Variants in SUCLA2 observed in about 807,000 individuals in gnomAD.
SUCLA2 encodes succinate--CoA ligase [ADP-forming] subunit beta, mitochondrial.
Under a neutral mutation model 54.8 loss-of-function variants are expected in SUCLA2, and 30 were observed. The ratio of observed to expected loss-of-function variants is 0.55; its 90% CI spans 0.41 to 0.74. The LOEUF (loss-of-function observed/expected upper bound fraction) is 0.74. Ranked by LOEUF, SUCLA2 falls within the 30% of genes least tolerant of loss-of-function variation. SUCLA2 has a pLI of 0.00. For missense variants in SUCLA2, 476 were observed against 562.9 expected, an observed-to-expected ratio of 0.85 and a Z score of 1.56; for synonymous variants, 172 against 188.9, an observed-to-expected ratio of 0.91 and a Z score of 0.74.
chr13:47,965,793 A>C (rs1261372918), intron 6 of SUCLA2, among the ~76,000 whole-genome samples: 1 of 152,246 alleles, frequency 6.6e-6, no homozygotes, highest in Non-Finnish European at 1.5e-5. Flanking sequence ...TTGCGCCTGT[A>C]ATCCCAGGAC....
intron 4 of SUCLA2, among the ~76,000 whole-genome samples, chr13:47,978,580 A>G (rs558098017): frequency 2.6e-5 from 4 of 152,350 alleles, no homozygotes; most frequent in South Asian, 4.1e-4. Context: ...AAACCTAGGC[A>G]ATACCATTCA....
intron 6 of SUCLA2, among the ~76,000 whole-genome samples, chr13:47,966,601 A>C (rs1327302992): frequency 2.6e-5 from 4 of 151,792 alleles, no homozygotes; most frequent in Non-Finnish European, 5.9e-5. Flanking sequence ...CCCCTTTGAT[A>C]ATGAGTATTC....
chr13:47,963,885 C>T (rs1302471431), intron 6 of SUCLA2, among the ~76,000 whole-genome samples: 2 of 152,062 alleles, frequency 1.3e-5, no homozygotes, highest in Non-Finnish European at 1.5e-5. Flanking sequence ...GGTGGATTGC[C>T]GAACTGTGAC....
At chr13:47,976,886 G>A (rs561983870) in intron 4 of SUCLA2, among the ~76,000 whole-genome samples, 6 of 151,898 alleles carry the variant, frequency 4.0e-5, no homozygotes, top group Admixed American at 6.6e-5. Context: ...TCAGATTTGG[G>A]ATGCTCAACC....
intron 2 of SUCLA2, among the ~76,000 whole-genome samples, chr13:47,994,238 C>A (rs1950173682): frequency 6.6e-6 from 1 of 151,688 alleles, no homozygotes; most frequent in African/African-American, 2.4e-5. Context: ...CAACTAGATC[C>A]CATAATCGTT....
At chr13:47,987,187 T>C (rs1192925256) in intron 4 of SUCLA2, among the ~76,000 whole-genome samples, 1 of 152,198 alleles carries the variant, frequency 6.6e-6, no homozygotes, top group African/African-American at 2.4e-5. Flanking sequence ...TCAAATTTGA[T>C]CCTTTTCCCA....
At chr13:47,984,483 T>TC in intron 4 of SUCLA2, among the ~76,000 whole-genome samples, 1 of 152,182 alleles carries the variant, frequency 6.6e-6, no homozygotes, top group East Asian at 1.9e-4. Flanking sequence ...ATTACAGGTG[T>TC]CAGCCACCAC....
intron 10 of SUCLA2, 28 bp downstream of exon 10, chr13:47,948,912 C>T (rs757612780): frequency 6.2e-7 from 1 of 1,600,620 alleles, no homozygotes; most frequent in East Asian, 2.2e-5. Context: ...GTTTATAAAT[C>T]CTCCTTAGAT....
intron 4 of SUCLA2, among the ~76,000 whole-genome samples, chr13:47,977,327 G>A (rs1046939827): frequency 2.0e-5 from 3 of 152,060 alleles, no homozygotes; most frequent in African/African-American, 7.2e-5. Context: ...GGGACCAAAT[G>A]GCTTCACTGG....
chr13:47,949,641 G>T (rs768905890), intron 8 of SUCLA2, 38 bp from the exon 9 acceptor site: 1 of 1,606,260 alleles, frequency 6.2e-7, no homozygotes, highest in Non-Finnish European at 8.5e-7. Context: ...AAATTTAAAA[G>T]AAATTTAAGT....
chr13:47,965,508 C>CAAAAA (rs1949910767), intron 6 of SUCLA2: 1 of 281,820 alleles, frequency 3.5e-6, no homozygotes, highest in Non-Finnish European at 6.2e-6. Context: ...AAAAAAAAAA[C>CAAAAA]AAACAAACAA....
At chr13:48,001,022 G>A in intron 1 of SUCLA2, 158 bp downstream of exon 1, 1 of 1,477,358 alleles carries the variant, frequency 6.8e-7, no homozygotes, top group South Asian at 1.3e-5. Context: ...TCGTAGTCCT[G>A]GCGAGCAGCA....
chr13:47,960,811 G>C (rs933243755), intron 6 of SUCLA2, among the ~76,000 whole-genome samples: 1 of 152,138 alleles, frequency 6.6e-6, no homozygotes, highest in Non-Finnish European at 1.5e-5. Flanking sequence ...TGTCGCACTG[G>C]TTTGAAGATG....
At chr13:47,949,937 A>G (rs886476307) in intron 8 of SUCLA2, among the ~76,000 whole-genome samples, 2 of 152,180 alleles carry the variant, frequency 1.3e-5, no homozygotes, top group Non-Finnish European at 2.9e-5. Context: ...ATACTGTAAG[A>G]TAGTCTCATG....
Position 47,968,734 on chromosome 13 carries a change from C to T in SUCLA2, c.664-1G>A, listed in dbSNP as rs1949938484. On this transcript the variant is annotated splice_acceptor_variant, in intron 5 of 10. Coordinates refer to ENST00000646932, the MANE Select transcript of SUCLA2 (RefSeq NM_003850.3). LOFTEE classifies it high-confidence loss of function. Reference sequence around the variant, plus strand: ...GTGGAAATCCCATCTTCTGTGCAAGCTGAAATCAATATGTCTTTTTATTAT... The same window carrying T: ...GTGGAAATCCCATCTTCTGTGCAAGTTGAAATCAATATGTCTTTTTATTAT... The T allele has an allele frequency of 6.2e-7, 1 of 1,612,364 alleles. No homozygotes were observed. The highest frequency in any genetic ancestry group is 2.2e-5 in the East Asian group (1 of 44,794).
chr13:47,973,423 A>G (rs1472923557), intron 4 of SUCLA2, 31 bp from the exon 5 acceptor site: 1 of 1,610,350 alleles, frequency 6.2e-7, no homozygotes, highest in East Asian at 2.2e-5. Context: ...CCAAAACTCT[A>G]GATTTATTTT....
intron 6 of SUCLA2, among the ~76,000 whole-genome samples, chr13:47,963,526 T>G (rs1949889387): frequency 6.6e-6 from 1 of 152,020 alleles, no homozygotes. Context: ...GTGCCTGTAA[T>G]CCCAGCTACT....
At chr13:47,962,693 C>T (rs1949880640) in intron 6 of SUCLA2, among the ~76,000 whole-genome samples, 1 of 151,674 alleles carries the variant, frequency 6.6e-6, no homozygotes, top group South Asian at 2.1e-4. Flanking sequence ...CTGCCTATGA[C>T]ACCCTTCCTC....
intron 6 of SUCLA2, among the ~76,000 whole-genome samples, chr13:47,959,085 T>C (rs2137700850): frequency 6.6e-6 from 1 of 152,350 alleles, no homozygotes; most frequent in South Asian, 2.1e-4. Context: ...GACTGCTTTC[T>C]AGGGTTTCAC....
Sources: gnomAD v4.1 joint callset for allele counts (sites outside exome capture counted in the v4.1 genomes callset) on GRCh38, gnomAD v4.1.1 for gene constraint, MANE v1.5 for transcripts, NCBI Gene and HGNC (gene_info 2026-07-23, HGNC 2026-07-21) for gene names.